The following PRPF18 variants were observed in gnomAD, a reference collection of about 807,000 sequenced individuals.
PRPF18 encodes the protein pre-mRNA-splicing factor 18.
A neutral mutation model predicts 46.5 loss-of-function variants in PRPF18; 38 were observed. The observed-to-expected ratio is 0.82, with a 90% CI of 0.63 to 1.07. The LOEUF is 1.07. PRPF18 is among the 50% of genes least tolerant of loss of function. PRPF18 has a pLI of 0.00. For missense variants in PRPF18, 263 were observed against 410.0 expected (o/e 0.64, Z 3.10); for synonymous variants, 152 against 146.7 (o/e 1.04, Z -0.26).
the PRPF18 span, among the ~76,000 whole-genome samples, chr10:13,636,494 G>A: frequency 2.6e-5 from 4 of 152,272 alleles, no homozygotes; most frequent in East Asian, 5.8e-4. Context: ...AGTGTTACGC[G>A]TCAAGTGTCT....
At chr10:13,654,382 CTGACACAGTGAA>C in the PRPF18 span, 1 of 1,328,904 alleles carries the variant, frequency 7.5e-7, no homozygotes, top group Non-Finnish European at 1.1e-6. Context: ...CTCTTTCGAG[CTGACACAGTGAA>C]GAACATAGAA....
chr10:13,618,976 G>A (rs2080386975), intron 9 of PRPF18, among the ~76,000 whole-genome samples: 1 of 152,204 alleles, frequency 6.6e-6, no homozygotes, highest in Admixed American at 6.5e-5. Flanking sequence ...CCATGGATCG[G>A]GGAGGTCAGG....
At chr10:13,638,653 C>G in the PRPF18 span, 1 of 152,088 alleles carries the variant, frequency 6.6e-6, no homozygotes, top group African/African-American at 2.4e-5. Flanking sequence ...TGGACTGGAG[C>G]GTAGAGAGAG....
chr10:13,626,822 A>G (rs780386930), intron 9 of PRPF18, among the ~76,000 whole-genome samples: 2 of 150,556 alleles, frequency 1.3e-5, no homozygotes, highest in African/African-American at 4.9e-5. Flanking sequence ...TTTTCCCCTC[A>G]AACAGTGTAC....
intron 3 of PRPF18, 147 bp downstream of exon 3, chr10:13,600,495 T>C: frequency 1.8e-6 from 1 of 553,406 alleles, no homozygotes; most frequent in Non-Finnish European, 3.0e-6. Context: ...CTTCATGAAG[T>C]TCTAAATTAC....
At chr10:13,591,500 A>C in intron 1 of PRPF18, 1 of 701,070 alleles carries the variant, frequency 1.4e-6, no homozygotes, top group Non-Finnish European at 2.6e-6. Context: ...AGTCGGGGCA[A>C]ACACAGATCG....
At chr10:13,612,500 G>A (rs1199668551) in intron 6 of PRPF18, among the ~76,000 whole-genome samples, 3 of 151,096 alleles carry the variant, frequency 2.0e-5, no homozygotes, top group Admixed American at 2.0e-4. Flanking sequence ...GGCCAGGCTG[G>A]TCTTGAACTC....
Position 13,610,039 on chromosome 10 carries a change from G to T in PRPF18, c.364G>T (p.Gly122Ter). The T allele has an allele frequency of 1.2e-6, 2 of 1,603,248 alleles. No individual in the cohort carries two copies. The highest frequency in any genetic ancestry group is 1.7e-5 in the Admixed American group (1 of 59,390). Reference protein sequence around the residue: ...IEILTPEVNKGLRNDLKAALD... With the variant: ...IEILTPEVNK Reference sequence around the variant, plus strand: ...TTCTTCCTTTTTTTGCTTTTCTTAGGGATTGAGGAATGATTTGAAAGCAGC... The same window carrying T: ...TTCTTCCTTTTTTTGCTTTTCTTAGTGATTGAGGAATGATTTGAAAGCAGC... Residue 122 changes from glycine (G) to a stop codon, truncating the protein, a stop_gained and splice_region_variant, in exon 5 of 10, where the codon GGA becomes TGA. Transcript: ENST00000378572. LOFTEE classifies it high-confidence loss of function.
At chr10:13,634,954 A>G (rs1296498075), downstream of PRPF18, among the ~76,000 whole-genome samples, 1 of 152,082 alleles carries the variant, frequency 6.6e-6, no homozygotes, top group Non-Finnish European at 1.5e-5. Context: ...ATAGGTGAAC[A>G]TGTGTCATGG....
At chr10:13,635,405 AT>A (rs1463661211), downstream of PRPF18, among the ~76,000 whole-genome samples, 68 of 152,326 alleles carry the variant, frequency 4.5e-4, no homozygotes, top group African/African-American at 1.6e-3. Flanking sequence ...CTTTGGTTAT[AT>A]ACCCAGGAAT....
At chr10:13,619,239 A>G (rs1206123241) in intron 9 of PRPF18, among the ~76,000 whole-genome samples, 2 of 152,246 alleles carry the variant, frequency 1.3e-5, no homozygotes, top group Non-Finnish European at 2.9e-5. Context: ...ACTTCCTGCT[A>G]TAGAAAATGG....
the PRPF18 span, chr10:13,654,107 C>G: frequency 8.5e-5 from 44 of 516,840 alleles, no homozygotes; most frequent in Middle Eastern, 4.9e-4. Context: ...TAATCCAAAC[C>G]GAAATGAAAT....
chr10:13,630,403 A>G lies in PRPF18; in HGVS notation c.*63A>G. ...AGGGAAGCAGGCTGTGGACTTCTGG[A>G]ATTACCAACAGGAATGAGGAAAGAA... On this transcript the variant is annotated 3_prime_UTR_variant, in exon 10 of 10. Transcript: ENST00000378572. The G allele has an allele frequency of 1.5e-6, 2 of 1,319,860 alleles. No homozygotes were observed. The highest frequency in any genetic ancestry group is 1.5e-5 in the African/African-American group (1 of 68,236). 81.8% of individuals were successfully genotyped at this position (1,319,860 alleles called of 1,614,324 possible).
the PRPF18 span, chr10:13,654,237 C>T: frequency 1.1e-5 from 7 of 621,624 alleles, no homozygotes; most frequent in Non-Finnish European, 1.7e-5. Context: ...AAAGGCACAG[C>T]CAGGAAAAGG....
chr10:13,610,198 C>A lies in PRPF18; in HGVS notation c.510+13C>A. 1 of 1,610,540 alleles carries A rather than the reference C, an allele frequency of 6.2e-7. No individual in the cohort carries two copies. Among genetic ancestry groups the A allele is most frequent in the South Asian group, 1.1e-5 (1 of 90,782 alleles). On this transcript the variant is annotated intron_variant, in intron 5 of 9. Transcript: ENST00000378572. ...TGAAGAGTTAGAGGTAATCTCTACA[C>A]CAAGCCCAGCACATCCCTGGCACCC...
chr10:13,631,445 A>C (rs1018608627), downstream of PRPF18: 2 of 152,258 alleles, frequency 1.3e-5, no homozygotes, highest in Admixed American at 6.5e-5. Context: ...TTTAGCAAGC[A>C]ACTGGATCTT....
At chr10:13,653,949 GTGCTTGGCCAGGACACAGCC>G in the PRPF18 span, 1 of 200,492 alleles carries the variant, frequency 5.0e-6, no homozygotes, top group Non-Finnish European at 9.5e-6. Flanking sequence ...GAAAGAGCAA[GTGCTTGGCCAGGACACAGCC>G]CTTTTTCTTG....
At chr10:13,650,802 T>A in the PRPF18 span, among the ~76,000 whole-genome samples, 3 of 152,214 alleles carry the variant, frequency 2.0e-5, no homozygotes, top group Non-Finnish European at 4.4e-5. Flanking sequence ...CATCCATGTT[T>A]TTGCACTTGG....
At chr10:13,616,232 T>C (rs1270137585) in intron 8 of PRPF18, among the ~76,000 whole-genome samples, 166 bp from the exon 9 acceptor site, 1 of 152,250 alleles carries the variant, frequency 6.6e-6, no homozygotes, top group Non-Finnish European at 1.5e-5. Flanking sequence ...TCTGTTACCC[T>C]GTATTTTAAT....
Sources: allele counts gnomAD v4.1 joint callset (sites outside exome capture counted in the v4.1 genomes callset), GRCh38; gene constraint gnomAD v4.1.1; transcripts MANE v1.5; gene names NCBI Gene and HGNC (gene_info 2026-07-23, HGNC 2026-07-21).